The following CSMD3 variants were observed in gnomAD, a reference collection of about 807,000 sequenced individuals.
The protein encoded by CSMD3 is CUB and sushi domain-containing protein 3.
Under a neutral mutation model 435.2 loss-of-function variants are expected in CSMD3, and 177 were observed. The ratio of observed to expected loss-of-function variants is 0.41; its 90% CI spans 0.36 to 0.46. CSMD3 has a LOEUF of 0.46. CSMD3 is among the 20% of genes least tolerant of loss of function. CSMD3 has a pLI of 0.34. For synonymous variants in CSMD3, 1,656 were observed against 1,520.5 expected (o/e 1.09, Z -2.07); for missense variants, 4,265 against 4,504.6 (o/e 0.95, Z 1.52).
At chr8:112,817,440 G>T (rs1318289299) in intron 12 of CSMD3, among the ~76,000 whole-genome samples, 1 of 51,754 alleles carries the variant, frequency 1.9e-5, no homozygotes, top group East Asian at 5.8e-4. Flanking sequence ...ACATGGGAAA[G>T]AATCTGTGAA....
chr8:112,928,604 A>G (rs987554931), intron 9 of CSMD3, among the ~76,000 whole-genome samples: 1 of 150,870 alleles, frequency 6.6e-6, no homozygotes, highest in Non-Finnish European at 1.5e-5. Context: ...ATGTCCCTAC[A>G]AAGGACATGA....
chr8:112,443,417 A>G (rs1397534218), intron 32 of CSMD3, among the ~76,000 whole-genome samples: 1 of 152,242 alleles, frequency 6.6e-6, no homozygotes, highest in Non-Finnish European at 1.5e-5. Flanking sequence ...ATAAAAGACT[A>G]TATTTCAACA....
chr8:113,345,173 T>C (rs2094144062), intron 1 of CSMD3, among the ~76,000 whole-genome samples: 1 of 152,114 alleles, frequency 6.6e-6, no homozygotes, highest in Non-Finnish European at 1.5e-5. Context: ...TAAGTACTGA[T>C]AAATATTCAA....
chr8:113,123,080 C>T (rs994854411), intron 4 of CSMD3, among the ~76,000 whole-genome samples: 2 of 112,042 alleles, frequency 1.8e-5, no homozygotes, highest in South Asian at 3.1e-4. Flanking sequence ...TTTTAGATTT[C>T]ACTCCAAGAA....
In CSMD3 at chr8:112,484,214, C is replaced by T. The variant is rs529053468; in HGVS notation, c.5278+8275G>A. On this transcript the variant is annotated intron_variant, in intron 31 of 70. Coordinates refer to ENST00000297405, the MANE Select transcript of CSMD3 (RefSeq NM_198123.2). ...GTCTATATTTTCTCTAGACTTTAACCGAATTTTTTTCTAACTGAATTTTAG... is the reference window on the plus strand; with the variant it reads ...GTCTATATTTTCTCTAGACTTTAACTGAATTTTTTTCTAACTGAATTTTAG... 1.6e-3 allele frequency among the ~76,000 whole-genome samples: 247 copies of T among 151,948 alleles called. 3 individuals carry two copies. Among genetic ancestry groups the T allele is most frequent in the Non-Finnish European group, 3.3e-3 (224 of 67,978 alleles).
At chr8:112,249,503 T>A (rs1004310583) in intron 63 of CSMD3, among the ~76,000 whole-genome samples, 2 of 152,082 alleles carry the variant, frequency 1.3e-5, no homozygotes, top group African/African-American at 2.4e-5. Context: ...CAATAGACAA[T>A]TATAATAATC....
At chr8:113,299,392 C>A (rs1163558521) in intron 2 of CSMD3, among the ~76,000 whole-genome samples, 1 of 152,008 alleles carries the variant, frequency 6.6e-6, no homozygotes, top group Non-Finnish European at 1.5e-5. Context: ...AAATATGTTG[C>A]CCTGCCTAAG....
intron 2 of CSMD3, among the ~76,000 whole-genome samples, chr8:113,285,036 A>G (rs1304247986): frequency 2.6e-5 from 4 of 152,164 alleles, no homozygotes; most frequent in Non-Finnish European, 5.9e-5. Flanking sequence ...GGACTTTCCC[A>G]TAAGAGAAAT....
chr8:112,975,777 A>T (rs2130930552), intron 7 of CSMD3, 60 bp downstream of exon 7: 1 of 1,610,274 alleles, frequency 6.2e-7, no homozygotes, highest in Non-Finnish European at 8.5e-7. Flanking sequence ...AATTAGAATC[A>T]TTACCAAAAT....
intron 20 of CSMD3, among the ~76,000 whole-genome samples, chr8:112,643,054 G>A (rs188135103): frequency 7.0e-4 from 106 of 152,184 alleles, no homozygotes; most frequent in African/African-American, 2.5e-3. Context: ...TTTAGTCTGG[G>A]AAGAAAAGAC....
Position 112,834,727 on chromosome 8 carries a change from G to A in CSMD3, c.1756-4938C>T, listed in dbSNP as rs570157226. Among the ~76,000 whole-genome samples, 3 of 151,722 alleles carry A rather than the reference G, an allele frequency of 2.0e-5. No individual in the cohort carries two copies. The South Asian group carries it at 6.2e-4, about 31-fold the overall frequency. On this transcript the variant is annotated intron_variant, in intron 11 of 70. Transcript: ENST00000297405. Reference sequence around the variant, plus strand: ...ATAAAAAATCAACAAATAGTCATAAGTATAATAGGAATGCTTCCTCTACAT... The same window carrying A: ...ATAAAAAATCAACAAATAGTCATAAATATAATAGGAATGCTTCCTCTACAT...
chr8:112,492,487 A>G lies in CSMD3; in HGVS notation c.5278+2T>C. 6.2e-7 allele frequency: 1 copy of G among 1,611,736 alleles called. No homozygotes were observed. Among genetic ancestry groups the G allele is most frequent in the Non-Finnish European group, 8.5e-7 (1 of 1,177,862 alleles). ...AATTCAGCCAAAAAATATGTTCCTT[A>G]CCATGACAACTTGGCAAGGCTCTAT... On this transcript the variant is annotated splice_donor_variant, in intron 31 of 70. Transcript: ENST00000297405. LOFTEE classifies it high-confidence loss of function.
chr8:112,442,942 A>G (rs1815197012), intron 32 of CSMD3, among the ~76,000 whole-genome samples: 3 of 152,198 alleles, frequency 2.0e-5, no homozygotes, highest in Admixed American at 6.5e-5. Context: ...GAACTGTTAT[A>G]CAAGAGAAAA....
At chr8:113,198,898 T>C (rs1251694647) in intron 3 of CSMD3, among the ~76,000 whole-genome samples, 1 of 151,282 alleles carries the variant, frequency 6.6e-6, no homozygotes, top group Non-Finnish European at 1.5e-5. Flanking sequence ...AGAGATATTG[T>C]AATCTGAAAT....
chr8:112,257,278 C>T (rs368728128), intron 61 of CSMD3, among the ~76,000 whole-genome samples: 7 of 152,204 alleles, frequency 4.6e-5, no homozygotes, highest in African/African-American at 9.6e-5. Context: ...GAAGTTCTGT[C>T]CAGAGTGATC....
chr8:112,658,947 T>C (rs2131673207), intron 17 of CSMD3, among the ~76,000 whole-genome samples: 1 of 152,232 alleles, frequency 6.6e-6, no homozygotes, highest in African/African-American at 2.4e-5. Flanking sequence ...AGAGTGAGAC[T>C]TTGTCTCAAA....
At position 112,954,071 on chromosome 8, in the gene CSMD3, G is replaced by A. The variant is rs559390800; in HGVS notation, c.1420+613C>T. 1.1e-4 allele frequency among the ~76,000 whole-genome samples: 17 copies of A among 151,590 alleles called. No homozygotes were observed. In the South Asian group the frequency reaches 3.3e-3, roughly 30 times the overall value. On this transcript the variant is annotated intron_variant, in intron 8 of 70. Coordinates refer to ENST00000297405, the MANE Select transcript of CSMD3 (RefSeq NM_198123.2). ...TAATTTAAATGAATGCTCTAATTCA[G>A]TGATTCTTAATCTGAGATTTTGGGA...
At chr8:112,389,577 A>G (rs916072686) in intron 36 of CSMD3, among the ~76,000 whole-genome samples, 1 of 152,202 alleles carries the variant, frequency 6.6e-6, no homozygotes, top group African/African-American at 2.4e-5. Flanking sequence ...ACACCTGTCA[A>G]GTAATTTTTA....
At chr8:112,500,791 C>A (rs1563624200) in intron 30 of CSMD3, among the ~76,000 whole-genome samples, 2 of 152,150 alleles carry the variant, frequency 1.3e-5, no homozygotes, top group African/African-American at 2.4e-5. Flanking sequence ...AAAAGGCTAC[C>A]TGGGACTAGG....
Sources: gnomAD v4.1 joint callset for allele counts (sites outside exome capture counted in the v4.1 genomes callset) on GRCh38, gnomAD v4.1.1 for gene constraint, MANE v1.5 for transcripts, NCBI Gene and HGNC (gene_info 2026-07-23, HGNC 2026-07-21) for gene names.